FRMD4A: variants seen among roughly 807,000 people sequenced by gnomAD.
The protein encoded by FRMD4A is FERM domain-containing protein 4A.
A neutral mutation model predicts 129.1 loss-of-function variants in FRMD4A; 29 were observed. The observed-to-expected ratio is 0.22, with a 90% CI of 0.17 to 0.31. The LOEUF (loss-of-function observed/expected upper bound fraction) is 0.31. FRMD4A is among the 10% of genes least tolerant of loss of function. FRMD4A has a pLI of 1.00. For synonymous variants in FRMD4A, 634 were observed against 571.6 expected, an observed-to-expected ratio of 1.11 and a Z score of -1.56; for missense variants, 1,272 against 1,375.8, an observed-to-expected ratio of 0.92 and a Z score of 1.19.
At chr10:13,887,594 G>C (rs1195838674) in intron 2 of FRMD4A, among the ~76,000 whole-genome samples, 2 of 152,202 alleles carry the variant, frequency 1.3e-5, no homozygotes, top group Non-Finnish European at 2.9e-5. Context: ...CAGGGTGGCA[G>C]AGGTTGCCGT....
chr10:14,230,052 G>T (rs1401486076), intron 2 of FRMD4A, among the ~76,000 whole-genome samples: 1 of 152,206 alleles, frequency 6.6e-6, no homozygotes, highest in Non-Finnish European at 1.5e-5. Context: ...GAGCTCAACT[G>T]CACAGGGAGC....
intron 2 of FRMD4A, among the ~76,000 whole-genome samples, chr10:14,004,876 G>A (rs1183310352): frequency 6.6e-6 from 1 of 152,120 alleles, no homozygotes; most frequent in East Asian, 1.9e-4. Context: ...GCTTTCTGTA[G>A]CACCTAAATT....
At chr10:13,689,703 C>T (rs539831467) in intron 15 of FRMD4A, among the ~76,000 whole-genome samples, 1 of 151,858 alleles carries the variant, frequency 6.6e-6, no homozygotes, top group East Asian at 1.9e-4. Flanking sequence ...TAAGCATGCA[C>T]CACCATGTCC....
chr10:13,732,382 G>A (rs914035693), intron 12 of FRMD4A, among the ~76,000 whole-genome samples: 2 of 152,160 alleles, frequency 1.3e-5, no homozygotes, highest in East Asian at 1.9e-4. Flanking sequence ...TTCTCAAGGC[G>A]GCTGCTGAGC....
intron 2 of FRMD4A, among the ~76,000 whole-genome samples, chr10:14,297,850 G>A (rs1846059133): frequency 6.6e-6 from 1 of 152,182 alleles, no homozygotes. Context: ...TAGCGGCCAT[G>A]AATGGCGATA....
At chr10:14,177,015 A>G (rs1026073325) in intron 2 of FRMD4A, among the ~76,000 whole-genome samples, 11 of 152,168 alleles carry the variant, frequency 7.2e-5, no homozygotes, top group African/African-American at 2.7e-4. Flanking sequence ...GGATTCTTCA[A>G]TAACTAGAAT....
Position 13,810,777 on chromosome 10 carries a change from C to T in FRMD4A, c.206+37G>A, listed in dbSNP as rs369819796. 7 of 1,121,754 alleles carry T rather than the reference C, an allele frequency of 6.2e-6. No individual in the cohort carries two copies. In the Admixed American group the frequency reaches 1.1e-4, roughly 17 times the overall value. The allele number at this position is 1,121,754 out of a possible 1,614,324, so 69.5% of individuals were successfully genotyped here. A position where few individuals can be genotyped will look rare whatever the true frequency, so the allele number is the denominator to read the frequency against. On this transcript the variant is annotated intron_variant, in intron 4 of 24. Transcript: ENST00000357447. ...AGCAGTTTCGGGTTCTGCACTGACT[C>T]TCCCTTCGGGCTGTGAGGGCTCAAG...
chr10:13,885,437 C>T (rs2094608003), intron 2 of FRMD4A, among the ~76,000 whole-genome samples: 1 of 152,198 alleles, frequency 6.6e-6, no homozygotes. Context: ...TGCCAGGTTG[C>T]ACCACACAGA....
At chr10:14,198,982 T>A (rs888868913) in intron 2 of FRMD4A, among the ~76,000 whole-genome samples, 4 of 152,224 alleles carry the variant, frequency 2.6e-5, no homozygotes, top group Admixed American at 1.3e-4. Flanking sequence ...TAGTACATGA[T>A]AATTATTATT....
chr10:14,291,185 A>G (rs550503083), intron 2 of FRMD4A, among the ~76,000 whole-genome samples: 22 of 152,276 alleles, frequency 1.4e-4, no homozygotes, highest in South Asian at 1.2e-3. Flanking sequence ...TAGATTCAGA[A>G]CACTGGAAAT....
chr10:14,221,514 T>C (rs964574197), intron 2 of FRMD4A, among the ~76,000 whole-genome samples: 2 of 152,132 alleles, frequency 1.3e-5, no homozygotes, highest in African/African-American at 4.8e-5. Context: ...AAAACCAAAT[T>C]GGTTTGCTTT....
intron 2 of FRMD4A, among the ~76,000 whole-genome samples, chr10:13,993,981 G>T (rs2095613114): frequency 6.6e-6 from 1 of 151,112 alleles, no homozygotes; most frequent in Non-Finnish European, 1.5e-5. Context: ...TGGGGCAGGG[G>T]AGAATATGTA....
At chr10:13,675,136 T>G (rs1336824335) in intron 15 of FRMD4A, 92 bp from the exon 16 acceptor site, 54 of 1,183,790 alleles carry the variant, frequency 4.6e-5, no homozygotes, top group Non-Finnish European at 6.5e-5. Context: ...GCTGCGGAGA[T>G]GGGATTTACC....
At chr10:13,924,723 C>G (rs770483512) in intron 2 of FRMD4A, among the ~76,000 whole-genome samples, 16 of 152,042 alleles carry the variant, frequency 1.1e-4, no homozygotes, top group Non-Finnish European at 1.9e-4. Context: ...AGCATGGGCA[C>G]GGACATGTTT....
chr10:13,921,226 T>TTCTCTCTTTCTC (rs2095067540), intron 2 of FRMD4A, among the ~76,000 whole-genome samples: 1 of 21,362 alleles, frequency 4.7e-5, no homozygotes, highest in Non-Finnish European at 1.2e-4. Context: ...CTTTCTTTCT[T>TTCTCTCTTTCTC]TCTCTCTCTT....
At chr10:14,050,672 C>T (rs1292804811) in intron 2 of FRMD4A, among the ~76,000 whole-genome samples, 1 of 151,956 alleles carries the variant, frequency 6.6e-6, no homozygotes, top group Non-Finnish European at 1.5e-5. Context: ...GGATTGAATC[C>T]ATCACTCATG....
At chr10:14,182,832 T>C (rs1841956995) in intron 2 of FRMD4A, among the ~76,000 whole-genome samples, 1 of 152,226 alleles carries the variant, frequency 6.6e-6, no homozygotes, top group Non-Finnish European at 1.5e-5. Context: ...TGAATTCTAC[T>C]GAGTGAGAAC....
intron 2 of FRMD4A, among the ~76,000 whole-genome samples, chr10:14,095,405 T>C (rs978628637): frequency 6.6e-6 from 1 of 152,242 alleles, no homozygotes; most frequent in East Asian, 1.9e-4. Flanking sequence ...CACTTGGCAC[T>C]GGGCCACTCA....
intron 10 of FRMD4A, 80 bp from the exon 11 acceptor site, chr10:13,740,331 A>G (rs563458210): frequency 6.8e-6 from 7 of 1,036,194 alleles, no homozygotes; most frequent in African/African-American, 1.6e-5. Flanking sequence ...GGTATCATAT[A>G]TATATTTGTG....
Sources: allele counts gnomAD v4.1 joint callset (sites outside exome capture counted in the v4.1 genomes callset), GRCh38; gene constraint gnomAD v4.1.1; transcripts MANE v1.5; gene names NCBI Gene and HGNC (gene_info 2026-07-23, HGNC 2026-07-21).